PTPN7: variants seen among roughly 807,000 people sequenced by gnomAD.
The protein encoded by PTPN7 is protein tyrosine phosphatase non-receptor type 7.
In PTPN7, 33 loss-of-function variants were observed where a neutral mutation model predicts 50.3. That is an observed-to-expected ratio of 0.66 (90% CI 0.50 to 0.88). The LOEUF (loss-of-function observed/expected upper bound fraction) is 0.88, where lower values mean the gene tolerates loss of function less well. Among genes scored for constraint, PTPN7 ranks in the 40% least tolerant of loss-of-function variants. The pLI is 0.00. For synonymous variants in PTPN7, 185 were observed against 186.6 expected, an observed-to-expected ratio of 0.99 and a Z score of 0.07; for missense variants, 412 against 475.4, an observed-to-expected ratio of 0.87 and a Z score of 1.24.
chr1:202,159,511 G>A lies in PTPN7; in HGVS notation c.-52-57C>T, dbSNP rs745956563. On this transcript the variant is annotated intron_variant, in intron 1 of 9. Coordinates refer to ENST00000691036, the MANE Select transcript of PTPN7 (RefSeq NM_002832.4). The surrounding 1 kb of genome is among the most constrained non-coding windows in gnomAD (Gnocchi z 4.6). ...TGGCCTGCCTGATTGGCCAGAAGGA[G>A]GCTCCCATGCCAGGCCAGGTTTGCA... 6.3e-7 allele frequency: 1 copy of A among 1,575,708 alleles called. No individual in the cohort carries two copies. Among genetic ancestry groups the A allele is most frequent in the Non-Finnish European group, 8.6e-7 (1 of 1,157,210 alleles).
intron 8 of PTPN7, 128 bp downstream of exon 8, chr1:202,152,414 C>G (rs1656111766): frequency 2.6e-6 from 3 of 1,147,108 alleles, no homozygotes; most frequent in Non-Finnish European, 3.6e-6. Context: ...AATGGCCTTG[C>G]GAGTCATGTC....
Position 202,150,421 on chromosome 1 carries a change from T to G in PTPN7, c.879A>C (p.Ala293=). 6.2e-7 allele frequency: 1 copy of G among 1,606,408 alleles called. No individual in the cohort carries two copies. Among genetic ancestry groups the G allele is most frequent in the South Asian group, 1.1e-5 (1 of 89,882 alleles). Residue 293 remains alanine, a synonymous_variant, in exon 9 of 10, where the codon GCA becomes GCC. Transcript: ENST00000691036. ...TGAAGCAGCCCGTCCGGCCAATCCC[T>G]GCACTGGAGATAGCCAGGGAGGGGA... ...HPGPIVVHCS[A]GIGRTGCFIA...
upstream of PTPN7, chr1:202,160,906 C>T: frequency 4.8e-6 from 7 of 1,454,116 alleles, no homozygotes; most frequent in Non-Finnish European, 6.3e-6. The surrounding 1 kb of genome is among the most constrained non-coding windows in gnomAD (Gnocchi z 4.8). Context: ...GCACAGCTCG[C>T]CTGACCCCCA....
chr1:202,156,984 T>C (rs1656736669), intron 4 of PTPN7, among the ~76,000 whole-genome samples: 3 of 152,338 alleles, frequency 2.0e-5, no homozygotes, highest in Non-Finnish European at 4.4e-5. Flanking sequence ...TGTCTCCATC[T>C]GACTTTCTCA....
chr1:202,152,831 T>C (rs1158746354), intron 7 of PTPN7, 132 bp from the exon 8 acceptor site: 24 of 1,087,386 alleles, frequency 2.2e-5, no homozygotes, highest in Non-Finnish European at 3.1e-5. Context: ...CAAGCTAGGT[T>C]GCAATTTTCG....
intron 8 of PTPN7, 29 bp downstream of exon 8, chr1:202,152,513 C>T: frequency 1.9e-6 from 3 of 1,606,236 alleles, no homozygotes; most frequent in Non-Finnish European, 2.5e-6. Flanking sequence ...GCACAGTCCA[C>T]AGGCTGCAGT....
At chr1:202,158,373 T>C in intron 2 of PTPN7, 72 bp from the exon 3 acceptor site, 1 of 1,499,204 alleles carries the variant, frequency 6.7e-7, no homozygotes, top group African/African-American at 1.4e-5. Context: ...TTATCTTTTC[T>C]TTTAGAGATA....
chr1:202,148,847 C>CTTTTTTTTTTTTTTTTTTTTTTT, intron 9 of PTPN7, 148 bp from the exon 10 acceptor site: 2 of 130,988 alleles, frequency 1.5e-5, no homozygotes, highest in Non-Finnish European at 2.6e-5. Context: ...CATCTTTTCA[C>CTTTTTTTTTTTTTTTTTTTTTTT]TTTTTTTTTT....
Position 202,160,023 on chromosome 1 carries a change from G to A in PTPN7, c.-53+522C>T. 1.0e-6 allele frequency: 1 copy of A among 987,492 alleles called. No individual in the cohort carries two copies. Among genetic ancestry groups the A allele is most frequent in the Non-Finnish European group, 1.2e-6 (1 of 828,098 alleles). 61.2% of individuals were successfully genotyped at this position (987,492 alleles called of 1,614,324 possible). A position where few individuals can be genotyped will look rare whatever the true frequency, so the allele number is the denominator to read the frequency against. Reference sequence around the variant, plus strand: ...GGGTCTCTGTCCAGGGAGGTAGGCTGGAGGTGTTTCCTTCCTCCTCCTGCC... The same window carrying A: ...GGGTCTCTGTCCAGGGAGGTAGGCTAGAGGTGTTTCCTTCCTCCTCCTGCC... On this transcript the variant is annotated intron_variant, in intron 1 of 9. Coordinates refer to ENST00000691036, the MANE Select transcript of PTPN7 (RefSeq NM_002832.4). The surrounding 1 kb of genome is among the most constrained non-coding windows in gnomAD (Gnocchi z 4.8).
At chr1:202,155,179 C>T (rs1656516148) in intron 5 of PTPN7, among the ~76,000 whole-genome samples, 1 of 152,146 alleles carries the variant, frequency 6.6e-6, no homozygotes. Context: ...CCCATTAGTG[C>T]TGGCATCACC....
chr1:202,158,137 T>C lies in PTPN7; in HGVS notation c.287A>G (p.Gln96Arg), dbSNP rs1304098372. 1.9e-6 allele frequency: 3 copies of C among 1,597,072 alleles called. No individual in the cohort carries two copies. Among genetic ancestry groups the C allele is most frequent in the Non-Finnish European group, 2.6e-6 (3 of 1,172,698 alleles). ...ALQRQPPSPK[Q>R]LEEEFLKIPS... is the part of the protein sequence containing the mutation. ...TCTTACCAAGAATTCTTCTTCCAGT[T>C]GCTTGGGGCTGGGTGGCTGGCGCTG... is the stretch of plus-strand genomic sequence containing the variant. Residue 96 changes from glutamine to arginine, a missense_variant, in exon 3 of 10, where the codon CAA (glutamine) becomes CGA (arginine). Physicochemically the swap from Gln to Arg is conservative, Grantham distance 43. Coordinates refer to ENST00000691036, the MANE Select transcript of PTPN7 (RefSeq NM_002832.4).
chr1:202,159,159 G>A lies in PTPN7; in HGVS notation c.122+122C>T. ...GCACTACTGGTTTCCTTTCCAAATTGGAGTCAACAACTGAGGGCCCTCTGG... is the reference window on the plus strand; with the variant it reads ...GCACTACTGGTTTCCTTTCCAAATTAGAGTCAACAACTGAGGGCCCTCTGG... On this transcript the variant is annotated intron_variant, in intron 2 of 9. Transcript: ENST00000691036. This position sits in a 1 kb window ranked among gnomAD's most constrained non-coding sequence, Gnocchi z 4.6. The A allele has an allele frequency of 1.1e-6, 1 of 902,868 alleles. No individual in the cohort carries two copies. Among genetic ancestry groups the A allele is most frequent in the Non-Finnish European group, 1.7e-6 (1 of 573,330 alleles). The allele number at this position is 902,868 out of a possible 1,614,324, so 55.9% of individuals were successfully genotyped here.
rs1386781828 is a variant in PTPN7, at chr1:202,159,220, A to G, written c.122+61T>C. 20 of 1,532,486 alleles carry G rather than the reference A, an allele frequency of 1.3e-5. No individual in the cohort carries two copies. Among genetic ancestry groups the G allele is most frequent in the Non-Finnish European group, 1.8e-5 (20 of 1,112,920 alleles). 94.9% of individuals were successfully genotyped at this position (1,532,486 alleles called of 1,614,324 possible). ...CAGAGCTGGAGGGGCAGATGGAAGG[A>G]AGGGAGGAGCGGAATGGGGGCTCAG... is the stretch of plus-strand genomic sequence containing the variant. On this transcript the variant is annotated intron_variant, in intron 2 of 9. Coordinates refer to ENST00000691036, the MANE Select transcript of PTPN7 (RefSeq NM_002832.4). The surrounding 1 kb of genome is among the most constrained non-coding windows in gnomAD (Gnocchi z 4.6).
chr1:202,153,878 G>C, intron 6 of PTPN7, 43 bp from the exon 7 acceptor site: 1 of 1,483,166 alleles, frequency 6.7e-7, no homozygotes. Context: ...GTCAGCTGGA[G>C]CAGGTGACAG....
At chr1:202,158,495 G>T in intron 2 of PTPN7, 194 bp from the exon 3 acceptor site, 2 of 564,264 alleles carry the variant, frequency 3.5e-6, no homozygotes, top group South Asian at 2.4e-5. Flanking sequence ...AGAGTAACTG[G>T]GACCACAGGT....
At chr1:202,155,424 G>T in intron 5 of PTPN7, 109 bp downstream of exon 5, 1 of 1,078,280 alleles carries the variant, frequency 9.3e-7, no homozygotes, top group Non-Finnish European at 1.4e-6. Flanking sequence ...GCTGGAGCAG[G>T]GAGGGTAGGA....
intron 9 of PTPN7, chr1:202,150,073 TC>T (rs1655793096): frequency 5.1e-6 from 2 of 392,048 alleles, no homozygotes; most frequent in South Asian, 5.7e-5. Context: ...GCTCAGGTGA[TC>T]CACCCGCCTC....
chr1:202,160,818 C>T (rs769555580), upstream of PTPN7: 29 of 1,534,458 alleles, frequency 1.9e-5, no homozygotes, highest in South Asian at 3.5e-4. This position sits in a 1 kb window ranked among gnomAD's most constrained non-coding sequence, Gnocchi z 4.8. Context: ...CCTGCTTTCC[C>T]CAGCTTCCAG....
At chr1:202,151,199 C>T (rs1166072227) in intron 8 of PTPN7, among the ~76,000 whole-genome samples, 1 of 152,240 alleles carries the variant, frequency 6.6e-6, no homozygotes, top group African/African-American at 2.4e-5. Context: ...TCCAAGTCCC[C>T]TCATCATCTG....
Sources: gnomAD v4.1 joint callset for allele counts (sites outside exome capture counted in the v4.1 genomes callset) on GRCh38, gnomAD v4.1.1 for gene constraint, Gnocchi (gnomAD v3.1) non-coding constraint, MANE v1.5 for transcripts, NCBI Gene and HGNC (gene_info 2026-07-23, HGNC 2026-07-21) for gene names.